Variants in ZFAT observed in about 807,000 individuals in gnomAD.
ZFAT encodes the protein zinc finger and AT-hook domain containing, also known as zinc finger protein ZFAT.
In ZFAT, 64 loss-of-function variants were observed where a neutral mutation model predicts 117.7. The observed-to-expected ratio is 0.54, with a 90% CI of 0.44 to 0.67. The LOEUF (loss-of-function observed/expected upper bound fraction) is 0.67, where lower values mean the gene tolerates loss of function less well. Ranked by LOEUF, ZFAT falls within the 30% of genes least tolerant of loss-of-function variation. The pLI is 0.00. For missense variants in ZFAT, 1,433 were observed against 1,584.5 expected (o/e 0.90, Z 1.62); for synonymous variants, 679 against 615.0 (o/e 1.10, Z -1.54).
chr8:134,630,322 C>T (rs1413708730), intron 3 of ZFAT, among the ~76,000 whole-genome samples: 1 of 152,210 alleles, frequency 6.6e-6, no homozygotes, highest in Non-Finnish European at 1.5e-5. Flanking sequence ...CATCTTTCCA[C>T]AGACAAATGT....
At position 134,478,828 on chromosome 8, in the gene ZFAT, AC is replaced by A. The variant is rs2129981617; in HGVS notation, c.3493-108del. 6.9e-7 allele frequency: 1 copy of A among 1,445,718 alleles called. No homozygotes were observed. Among genetic ancestry groups the A allele is most frequent in the East Asian group, 2.5e-5 (1 of 40,000 alleles). The allele number at this position is 1,445,718 out of a possible 1,614,324, so 89.6% of individuals were successfully genotyped here. On this transcript the variant is annotated intron_variant, in intron 15 of 15. Transcript: ENST00000377838. This position sits in a 1 kb window ranked among gnomAD's most constrained non-coding sequence, Gnocchi z 5.2. Reference sequence around the variant, plus strand: ...GGAGGCACCAGTGCGCTGCGGGAGCACGTCCATTCTCCACGGATCCTCTCTA... The same window carrying A: ...GGAGGCACCAGTGCGCTGCGGGAGCAGTCCATTCTCCACGGATCCTCTCTA...
chr8:134,479,239 C>A (rs576668407), intron 15 of ZFAT, among the ~76,000 whole-genome samples: 1 of 152,316 alleles, frequency 6.6e-6, no homozygotes, highest in East Asian at 1.9e-4. Context: ...GGAGCAGACG[C>A]CTGGCAGGCC....
At chr8:134,620,311 C>A (rs1485284654) in intron 3 of ZFAT, among the ~76,000 whole-genome samples, 1 of 152,168 alleles carries the variant, frequency 6.6e-6, no homozygotes, top group African/African-American at 2.4e-5. Context: ...GCCAAGCGCC[C>A]ATACACAGCA....
rs545990311 is a variant in ZFAT, at chr8:134,695,398, C to T, written c.19+17447G>A. 6.2e-4 allele frequency among the ~76,000 whole-genome samples: 95 copies of T among 152,162 alleles called. 1 individual carries two copies. The highest frequency in any genetic ancestry group is 5.4e-3 in the Admixed American group (83 of 15,290). On this transcript the variant is annotated intron_variant, in intron 1 of 15. Coordinates refer to ENST00000377838, the MANE Select transcript of ZFAT (RefSeq NM_020863.4). ...CCTCCGTCCGTAACTAAGGATGCGC[C>T]GCCCCCAGGCCCGGCCATCTCCAAC... is the stretch of plus-strand genomic sequence containing the variant.
At chr8:134,777,983 T>C in the ZFAT span, among the ~76,000 whole-genome samples, 1 of 152,076 alleles carries the variant, frequency 6.6e-6, no homozygotes, top group African/African-American at 2.4e-5. Flanking sequence ...TTTCACTGTT[T>C]AAAAGAAAAA....
chr8:134,689,594 C>T (rs1327652169), intron 1 of ZFAT, among the ~76,000 whole-genome samples: 3 of 152,196 alleles, frequency 2.0e-5, no homozygotes, highest in Non-Finnish European at 2.9e-5. Flanking sequence ...CAGAGGGAGC[C>T]ATGAAAGAGA....
chr8:134,819,496 A>ACCCTCCCCCC, the ZFAT span, among the ~76,000 whole-genome samples: 1 of 39,334 alleles, frequency 2.5e-5, no homozygotes, highest in African/African-American at 9.2e-5. Flanking sequence ...CGGATTTACC[A>ACCCTCCCCCC]CCCCCCCCCC....
At chr8:134,698,810 A>G (rs1280643571) in intron 1 of ZFAT, among the ~76,000 whole-genome samples, 1 of 152,154 alleles carries the variant, frequency 6.6e-6, no homozygotes, top group African/African-American at 2.4e-5. Flanking sequence ...GTTCCTGCCT[A>G]CCTGATGTCT....
the ZFAT span, among the ~76,000 whole-genome samples, chr8:134,759,013 C>T: frequency 6.6e-6 from 1 of 152,138 alleles, no homozygotes; most frequent in Admixed American, 6.5e-5. Flanking sequence ...GTCATGTTAG[C>T]AAGGGAGAAG....
the ZFAT span, among the ~76,000 whole-genome samples, chr8:134,814,572 A>G: frequency 1.3e-5 from 2 of 152,234 alleles, no homozygotes; most frequent in Non-Finnish European, 2.9e-5. Flanking sequence ...AAGGCCTAAC[A>G]GCCAAGGCAA....
chr8:134,614,657 C>T (rs922099978), intron 3 of ZFAT, among the ~76,000 whole-genome samples: 3 of 152,148 alleles, frequency 2.0e-5, no homozygotes, highest in African/African-American at 4.8e-5. Context: ...ATGAAGAAGA[C>T]CTGCTCTGTT....
chr8:134,610,679 A>G (rs777330253), intron 3 of ZFAT, 24 bp from the exon 4 acceptor site: 1 of 1,612,104 alleles, frequency 6.2e-7, no homozygotes, highest in Non-Finnish European at 8.5e-7. Flanking sequence ...ACCAAGATGC[A>G]TAAGGTATCC....
intron 5 of ZFAT, among the ~76,000 whole-genome samples, chr8:134,604,822 G>C (rs1586800715): frequency 1.3e-5 from 2 of 152,194 alleles, no homozygotes; most frequent in African/African-American, 2.4e-5. Context: ...TGCATGCTAA[G>C]CCCAAGGCTA....
chr8:134,548,726 TAACACCTACTGACATC>T (rs1822895172), intron 11 of ZFAT, among the ~76,000 whole-genome samples: 2 of 151,728 alleles, frequency 1.3e-5, no homozygotes, highest in African/African-American at 2.4e-5. Context: ...CCCTACCACC[TAACACCTACTGACATC>T]CCAGGGAACT....
intron 7 of ZFAT, among the ~76,000 whole-genome samples, chr8:134,597,230 T>C (rs1233129036): frequency 6.6e-6 from 1 of 152,104 alleles, no homozygotes; most frequent in African/African-American, 2.4e-5. Flanking sequence ...CTTGGTACCC[T>C]TGGCTTCATT....
rs112831764 is a variant in ZFAT, at chr8:134,700,668, G to A, written c.19+12177C>T. On this transcript the variant is annotated intron_variant, in intron 1 of 15. Coordinates refer to ENST00000377838, the MANE Select transcript of ZFAT (RefSeq NM_020863.4). ...CAGTCCGGGGGGAGGCAGAGGCTGC[G>A]TACCTTGTCGGGCTCCCTCATGCTT... 1.5e-3 allele frequency among the ~76,000 whole-genome samples: 228 copies of A among 152,292 alleles called. 1 individual carries two copies. Among genetic ancestry groups the A allele is most frequent in the African/African-American group, 5.3e-3 (220 of 41,552 alleles).
the ZFAT span, among the ~76,000 whole-genome samples, chr8:134,736,475 A>G: frequency 6.6e-6 from 1 of 152,212 alleles, no homozygotes; most frequent in Non-Finnish European, 1.5e-5. Flanking sequence ...ACATTATGGA[A>G]TGCAAAATTA....
At chr8:134,765,291 G>A in the ZFAT span, 1 of 152,212 alleles carries the variant, frequency 6.6e-6, no homozygotes, top group Non-Finnish European at 1.5e-5. Flanking sequence ...GGGTCACTGA[G>A]GCCTACTGTA....
At chr8:134,654,112 C>T (rs1231020709) in intron 2 of ZFAT, among the ~76,000 whole-genome samples, 1 of 152,070 alleles carries the variant, frequency 6.6e-6, no homozygotes, top group Non-Finnish European at 1.5e-5. Context: ...GCCTGGCCAA[C>T]ATGGCAAATC....
Sources: gnomAD v4.1 joint callset for allele counts (sites outside exome capture counted in the v4.1 genomes callset) on GRCh38, gnomAD v4.1.1 for gene constraint, Gnocchi (gnomAD v3.1) non-coding constraint, MANE v1.5 for transcripts, NCBI Gene and HGNC (gene_info 2026-07-23, HGNC 2026-07-21) for gene names.